Variants in LCP1 observed in about 807,000 individuals in gnomAD.
LCP1 encodes plastin-2.
In LCP1, 23 loss-of-function variants were observed where a neutral mutation model predicts 72.0. That is an observed-to-expected ratio of 0.32 (90% CI 0.23 to 0.45). The LOEUF (loss-of-function observed/expected upper bound fraction) is 0.45. Among genes scored for constraint, LCP1 ranks in the 20% least tolerant of loss-of-function variants. The pLI is 1.00. For synonymous variants in LCP1, 245 were observed against 275.4 expected, an observed-to-expected ratio of 0.89 and a Z score of 1.09; for missense variants, 571 against 748.3, an observed-to-expected ratio of 0.76 and a Z score of 2.76.
intron 1 of LCP1, among the ~76,000 whole-genome samples, chr13:46,177,776 C>T (rs907101780): frequency 6.6e-6 from 1 of 152,044 alleles, no homozygotes; most frequent in Non-Finnish European, 1.5e-5. Flanking sequence ...TTTTGTGACC[C>T]ATGCAGAGGC....
intron 13 of LCP1, among the ~76,000 whole-genome samples, chr13:46,138,748 G>A (rs2138227694): frequency 6.6e-6 from 1 of 152,244 alleles, no homozygotes; most frequent in Non-Finnish European, 1.5e-5. Context: ...CCAGGTTCAA[G>A]AGATTCTTCT....
chr13:46,135,193 G>T (rs2045657822), intron 13 of LCP1, among the ~76,000 whole-genome samples: 1 of 151,854 alleles, frequency 6.6e-6, no homozygotes, highest in South Asian at 2.1e-4. Context: ...ACTCACTTCT[G>T]AAAGGGAAAT....
intron 13 of LCP1, among the ~76,000 whole-genome samples, chr13:46,134,807 T>C (rs2045654105): frequency 6.6e-6 from 1 of 152,104 alleles, no homozygotes; most frequent in Admixed American, 6.6e-5. Context: ...AAGAAGAGGC[T>C]TTAACCTCTT....
At chr13:46,144,597 G>T in intron 10 of LCP1, 77 bp from the exon 11 acceptor site, 1 of 939,874 alleles carries the variant, frequency 1.1e-6, no homozygotes, top group Non-Finnish European at 1.7e-6. Context: ...TAACTAAAGA[G>T]GATGCAATAA....
At position 46,162,170 on chromosome 13, in the gene LCP1, C is replaced by T. The variant is rs115516693; in HGVS notation, c.-24-2484G>A. Among the ~76,000 whole-genome samples, 780 of 152,068 alleles carry T rather than the reference C, an allele frequency of 5.1e-3. 4 individuals are homozygous for T. The highest frequency in any genetic ancestry group is 0.018 in the African/African-American group (752 of 41,464). Reference sequence around the variant, plus strand: ...TTTCTCCTCTCCCAGGCTGTCTACTCGGGTTCTCTGCCTTCATGTTCCTGT... The same window carrying T: ...TTTCTCCTCTCCCAGGCTGTCTACTTGGGTTCTCTGCCTTCATGTTCCTGT... On this transcript the variant is annotated intron_variant, in intron 1 of 15. Transcript: ENST00000323076.
chr13:46,151,880 T>C (rs2138249690), intron 7 of LCP1, among the ~76,000 whole-genome samples: 1 of 152,348 alleles, frequency 6.6e-6, no homozygotes, highest in South Asian at 2.1e-4. Context: ...CTTATCAAGG[T>C]GGGCTACCTC....
chr13:46,176,910 CGAGA>C (rs1205897294), intron 1 of LCP1, among the ~76,000 whole-genome samples: 1 of 128,022 alleles, frequency 7.8e-6, no homozygotes, highest in Non-Finnish European at 1.8e-5. Context: ...TGTGAGAGAG[CGAGA>C]GAGAGAGAGG....
intron 14 of LCP1, among the ~76,000 whole-genome samples, chr13:46,133,701 T>A (rs7323373): frequency 0.86 from 130,394 of 151,602 alleles, 56,540 homozygotes; most frequent in South Asian, 0.97. Flanking sequence ...ATATAAAAAT[T>A]AAAATTAAAA....
chr13:46,134,592 C>A (rs1346466520), intron 13 of LCP1, among the ~76,000 whole-genome samples: 1 of 151,928 alleles, frequency 6.6e-6, no homozygotes, highest in East Asian at 1.9e-4. Flanking sequence ...GATAAAAAAT[C>A]AAGCAATAAC....
At chr13:46,181,384 C>T (rs917827058) in intron 1 of LCP1, among the ~76,000 whole-genome samples, 2 of 152,124 alleles carry the variant, frequency 1.3e-5, no homozygotes, top group African/African-American at 4.8e-5. Context: ...TAGATAAAAG[C>T]CTTTCTCCCA....
At chr13:46,175,802 T>C (rs1357105380) in intron 1 of LCP1, among the ~76,000 whole-genome samples, 1 of 152,104 alleles carries the variant, frequency 6.6e-6, no homozygotes, top group Non-Finnish European at 1.5e-5. Context: ...TTAGAAACAG[T>C]GGGGGAAGTT....
intron 5 of LCP1, among the ~76,000 whole-genome samples, 167 bp from the exon 6 acceptor site, chr13:46,155,053 C>T (rs962967683): frequency 3.9e-5 from 6 of 152,078 alleles, no homozygotes; most frequent in South Asian, 2.1e-4. Context: ...AAACTATCTG[C>T]GGGAAAGGTG....
rs145802591 is a variant in LCP1, at chr13:46,170,580, A to AT, written c.-24-10895dup. Among the ~76,000 whole-genome samples the AT allele has an allele frequency of 9.6e-3, 1,460 of 152,356 alleles. 24 individuals are homozygous for AT. The highest frequency in any genetic ancestry group is 0.032 in the African/African-American group (1,348 of 41,580). On this transcript the variant is annotated intron_variant, in intron 1 of 15. Transcript: ENST00000323076. ...AGGGGCAAACCCACCTGGGATGCAC[A>AT]TATGCGGTGTACCAAGGAGCAAGCT...
intron 1 of LCP1, among the ~76,000 whole-genome samples, chr13:46,177,460 T>G (rs111288253): frequency 1.3e-5 from 2 of 151,938 alleles, no homozygotes; most frequent in Non-Finnish European, 2.9e-5. Context: ...GCTAACAAGG[T>G]GAAACCCGTC....
chr13:46,160,982 C>A (rs545172365), intron 1 of LCP1, among the ~76,000 whole-genome samples: 1 of 152,134 alleles, frequency 6.6e-6, no homozygotes, highest in South Asian at 2.1e-4. Flanking sequence ...ACAACCACAC[C>A]AAACAGAAAA....
At chr13:46,166,276 A>G (rs556626510) in intron 1 of LCP1, among the ~76,000 whole-genome samples, 2 of 152,368 alleles carry the variant, frequency 1.3e-5, no homozygotes, top group South Asian at 4.1e-4. Context: ...TTAAAAGCAG[A>G]AAGGCTAGAA....
At chr13:46,145,522 G>A (rs2045724155) in intron 10 of LCP1, among the ~76,000 whole-genome samples, 1 of 152,060 alleles carries the variant, frequency 6.6e-6, no homozygotes, top group Non-Finnish European at 1.5e-5. Flanking sequence ...GTGGATGTAG[G>A]GATGAAGGAT....
chr13:46,153,217 C>A, intron 6 of LCP1: 1 of 258,952 alleles, frequency 3.9e-6, no homozygotes, highest in Non-Finnish European at 7.4e-6. Context: ...ACTGATGAGG[C>A]CTATATTTTT....
chr13:46,140,879 G>C (rs565141212), intron 13 of LCP1, among the ~76,000 whole-genome samples: 110 of 152,230 alleles, frequency 7.2e-4, no homozygotes, highest in African/African-American at 2.6e-3. Flanking sequence ...TAGTGAACTT[G>C]AAAACACAGC....
Sources: allele counts gnomAD v4.1 joint callset (sites outside exome capture counted in the v4.1 genomes callset), GRCh38; gene constraint gnomAD v4.1.1; transcripts MANE v1.5; gene names NCBI Gene and HGNC (gene_info 2026-07-23, HGNC 2026-07-21).